The following MAP7 variants were observed in gnomAD, a reference collection of about 807,000 sequenced individuals.
MAP7 encodes the protein microtubule associated protein 7, also known as ensconsin.
Under a neutral mutation model 94.8 loss-of-function variants are expected in MAP7, and 52 were observed. The ratio of observed to expected loss-of-function variants is 0.55; its 90% CI spans 0.44 to 0.69. The LOEUF is 0.69. Among genes scored for constraint, MAP7 ranks in the 30% least tolerant of loss-of-function variants. The pLI is 0.00. For synonymous variants in MAP7, 350 were observed against 357.0 expected, an observed-to-expected ratio of 0.98 and a Z score of 0.22; for missense variants, 940 against 964.6, an observed-to-expected ratio of 0.97 and a Z score of 0.34.
rs1345991766 is a variant in MAP7, at chr6:136,352,588, T to C, written c.2015+4104A>G. Reference sequence around the variant, plus strand: ...CCAAACCAAAATCATAGTTACTCCATCCTATTTACTCCAATCCGAATGATA... The same window carrying C: ...CCAAACCAAAATCATAGTTACTCCACCCTATTTACTCCAATCCGAATGATA... On this transcript the variant is annotated intron_variant, in intron 16 of 17. Coordinates refer to ENST00000354570, the MANE Select transcript of MAP7 (RefSeq NM_003980.6). 2.0e-5 allele frequency among the ~76,000 whole-genome samples: 3 copies of C among 152,218 alleles called. No individual in the cohort carries two copies. The East Asian group carries it at 5.8e-4, about 29-fold the overall frequency.
intron 3 of MAP7, among the ~76,000 whole-genome samples, chr6:136,396,316 G>C (rs1782448356): frequency 6.6e-6 from 1 of 151,752 alleles, no homozygotes. Context: ...TATTTTTATA[G>C]CTACCGTAAA....
At chr6:136,535,820 C>T (rs560216944) in intron 1 of MAP7, among the ~76,000 whole-genome samples, 32 of 150,394 alleles carry the variant, frequency 2.1e-4, no homozygotes, top group African/African-American at 7.6e-4. Flanking sequence ...ATATGTATAC[C>T]TGTGCCATGT....
chr6:136,510,689 C>T (rs182893827), intron 1 of MAP7, among the ~76,000 whole-genome samples: 24 of 151,932 alleles, frequency 1.6e-4, no homozygotes, highest in African/African-American at 5.3e-4. Flanking sequence ...ATTTTGGGAG[C>T]GACCATACTC....
chr6:136,459,961 A>G (rs1804629681), intron 1 of MAP7, among the ~76,000 whole-genome samples: 1 of 152,312 alleles, frequency 6.6e-6, no homozygotes, highest in African/African-American at 2.4e-5. Context: ...TAACTCTAGG[A>G]AAGTAATTTA....
At chr6:136,420,070 A>G in intron 2 of MAP7, 1 of 839,672 alleles carries the variant, frequency 1.2e-6, no homozygotes, top group Non-Finnish European at 2.1e-6. Flanking sequence ...ATTAATTACA[A>G]TGGAGGGGTC....
In MAP7 at chr6:136,343,370, A is replaced by C. The variant is rs1277573830; in HGVS notation, c.*858T>G. ...ACATAATTTGTGATCAGGTAAGGCA[A>C]AGATAAGTCCACCATCACTGGGGAC... On this transcript the variant is annotated 3_prime_UTR_variant, in exon 18 of 18. Transcript: ENST00000354570. 1 of 152,668 alleles carries C rather than the reference A, an allele frequency of 6.6e-6. No individual in the cohort carries two copies. The highest frequency in any genetic ancestry group is 1.5e-5 in the Non-Finnish European group (1 of 68,040). The allele number at this position is 152,668 out of a possible 1,614,324, so 9.5% of individuals were successfully genotyped here.
intron 7 of MAP7, among the ~76,000 whole-genome samples, chr6:136,373,475 T>TG (rs1775194161): frequency 6.6e-6 from 1 of 152,218 alleles, no homozygotes. Context: ...GAATATTTTA[T>TG]GAAAAACTAC....
At chr6:136,419,112 C>G (rs1790442930) in intron 2 of MAP7, among the ~76,000 whole-genome samples, 1 of 152,206 alleles carries the variant, frequency 6.6e-6, no homozygotes, top group Admixed American at 6.5e-5. Flanking sequence ...TCTCTATACA[C>G]TGTGTGCAAT....
At chr6:136,348,465 T>C (rs1268313110) in intron 16 of MAP7, among the ~76,000 whole-genome samples, 4 of 152,186 alleles carry the variant, frequency 2.6e-5, no homozygotes, top group Non-Finnish European at 4.4e-5. Context: ...TTAAGGAGTA[T>C]GGATCCGTGT....
At chr6:136,401,730 T>A (rs1194198660) in intron 3 of MAP7, among the ~76,000 whole-genome samples, 1 of 151,450 alleles carries the variant, frequency 6.6e-6, no homozygotes, top group Non-Finnish European at 1.5e-5. Context: ...TGTATACATA[T>A]GTAACAAACT....
intron 2 of MAP7, among the ~76,000 whole-genome samples, chr6:136,413,536 A>AG: frequency 6.6e-6 from 1 of 152,272 alleles, no homozygotes; most frequent in East Asian, 1.9e-4. Flanking sequence ...AAAAAAAAAA[A>AG]AAAAGAAAAG....
rs139327830 is a variant in MAP7 at position 136,418,145 on chromosome 6, G to A, written c.166+3556C>T. On this transcript the variant is annotated intron_variant, in intron 2 of 17. Transcript: ENST00000354570. ...ACATTTGAGAGCAATGGTCGTTCCAGGATAACACAGAACATAGTGTGCTCA... is the reference window on the plus strand; with the variant it reads ...ACATTTGAGAGCAATGGTCGTTCCAAGATAACACAGAACATAGTGTGCTCA... Among the ~76,000 whole-genome samples the A allele has an allele frequency of 1.0e-3, 154 of 152,312 alleles. 1 individual carries two copies. Among genetic ancestry groups the A allele is most frequent in the African/African-American group, 3.6e-3 (148 of 41,572 alleles).
At chr6:136,509,219 G>A (rs1822507499) in intron 1 of MAP7, among the ~76,000 whole-genome samples, 1 of 152,194 alleles carries the variant, frequency 6.6e-6, no homozygotes, top group African/African-American at 2.4e-5. Flanking sequence ...AGGATTTAGT[G>A]AAATCCAGTG....
At chr6:136,390,851 T>G (rs1780499936) in intron 3 of MAP7, among the ~76,000 whole-genome samples, 1 of 152,160 alleles carries the variant, frequency 6.6e-6, no homozygotes, top group Admixed American at 6.5e-5. Context: ...GAAGGACAAA[T>G]TCAAGGTGAG....
At chr6:136,419,253 C>T (rs1790485624) in intron 2 of MAP7, among the ~76,000 whole-genome samples, 1 of 152,018 alleles carries the variant, frequency 6.6e-6, no homozygotes, top group Non-Finnish European at 1.5e-5. Flanking sequence ...GATGCTAACA[C>T]TAGATGAATA....
At chr6:136,367,866 C>T (rs1422833565) in intron 8 of MAP7, among the ~76,000 whole-genome samples, 1 of 139,192 alleles carries the variant, frequency 7.2e-6, no homozygotes, top group Non-Finnish European at 1.6e-5. Flanking sequence ...GGGTTAAGTA[C>T]CTCAAGTAGC....
intron 1 of MAP7, among the ~76,000 whole-genome samples, chr6:136,441,750 C>T (rs1285009604): frequency 6.6e-6 from 1 of 152,128 alleles, no homozygotes; most frequent in Non-Finnish European, 1.5e-5. Context: ...TGTGGTGGCT[C>T]CAACCTGTAA....
intron 1 of MAP7, among the ~76,000 whole-genome samples, chr6:136,541,591 C>A (rs1829321867): frequency 1.3e-5 from 2 of 152,208 alleles, no homozygotes; most frequent in Non-Finnish European, 2.9e-5. Context: ...CTCCTCCCTG[C>A]ATTGTTTTAT....
At chr6:136,389,560 T>C (rs1316470309) in intron 3 of MAP7, 43 bp from the exon 4 acceptor site, 4 of 1,578,922 alleles carry the variant, frequency 2.5e-6, no homozygotes, top group Admixed American at 1.7e-5. Context: ...GGAAATCAAA[T>C]ATAGGCAGGT....
Sources: gnomAD v4.1 joint callset for allele counts (sites outside exome capture counted in the v4.1 genomes callset) on GRCh38, gnomAD v4.1.1 for gene constraint, MANE v1.5 for transcripts, NCBI Gene and HGNC (gene_info 2026-07-23, HGNC 2026-07-21) for gene names.